RBFOX1: variants seen among roughly 807,000 people sequenced by gnomAD.
RBFOX1 encodes RNA binding fox-1 homolog 1, also known as RNA binding protein fox-1 homolog 1.
Under a neutral mutation model 57.7 loss-of-function variants are expected in RBFOX1, and 8 were observed. That is an observed-to-expected ratio of 0.14 (90% CI 0.08 to 0.25). The LOEUF (loss-of-function observed/expected upper bound fraction) is 0.25, where lower values mean the gene tolerates loss of function less well. RBFOX1 is among the 10% of genes least tolerant of loss of function. RBFOX1 has a pLI of 1.00. For missense variants in RBFOX1, 611 were observed against 548.5 expected, an observed-to-expected ratio of 1.11 and a Z score of -1.14; for synonymous variants, 326 against 222.4, an observed-to-expected ratio of 1.47 and a Z score of -4.15.
At chr16:7,281,601 A>G (rs894519750) in intron 4 of RBFOX1, among the ~76,000 whole-genome samples, 1 of 152,126 alleles carries the variant, frequency 6.6e-6, no homozygotes, top group Non-Finnish European at 1.5e-5. Context: ...TGGAAGTCAG[A>G]GAAAATACAC....
chr16:5,239,928 C>G (rs2062121360), exon 1 of RBFOX1: 1 of 1,522,146 alleles, frequency 6.6e-7, no homozygotes, highest in South Asian at 1.2e-5. Context: ...CTGGCAAGCC[C>G]CGAGGCAGGG....
At chr16:7,291,673 G>A (rs12446497) in intron 4 of RBFOX1, among the ~76,000 whole-genome samples, 39,023 of 151,600 alleles carry the variant, frequency 0.26, 5,187 homozygotes, top group Middle Eastern at 0.35. Context: ...CAGCAAGGAT[G>A]GGACCTTGGC....
At chr16:7,705,071 G>C (rs542957704) in intron 14 of RBFOX1, among the ~76,000 whole-genome samples, 6 of 148,884 alleles carry the variant, frequency 4.0e-5, no homozygotes, top group African/African-American at 1.5e-4. Context: ...AAAAGGCAGA[G>C]AGCCAGAGAA....
At chr16:6,160,720 C>T (rs564776092) in intron 1 of RBFOX1, among the ~76,000 whole-genome samples, 5 of 152,180 alleles carry the variant, frequency 3.3e-5, no homozygotes, top group African/African-American at 1.2e-4. Flanking sequence ...TGGCACCACT[C>T]CCATCTTGCC....
At chr16:6,512,832 C>T (rs534377852) in intron 2 of RBFOX1, among the ~76,000 whole-genome samples, 1 of 152,154 alleles carries the variant, frequency 6.6e-6, no homozygotes, top group Non-Finnish European at 1.5e-5. Flanking sequence ...TGCTCTAGGT[C>T]AAATGATCCA....
intron 9 of RBFOX1, among the ~76,000 whole-genome samples, chr16:7,601,032 C>G (rs2094987646): frequency 6.6e-6 from 1 of 152,164 alleles, no homozygotes; most frequent in Non-Finnish European, 1.5e-5. Flanking sequence ...AATGTTGGAT[C>G]TGCAATACAA....
chr16:5,419,598 A>G (rs912337230), intron 1 of RBFOX1, among the ~76,000 whole-genome samples: 55 of 151,950 alleles, frequency 3.6e-4, no homozygotes, highest in African/African-American at 1.3e-3. Flanking sequence ...GTTGATGCTC[A>G]GTATTAACCG....
intron 3 of RBFOX1, among the ~76,000 whole-genome samples, chr16:6,688,000 A>G (rs867055228): frequency 1.3e-5 from 2 of 152,344 alleles, no homozygotes; most frequent in African/African-American, 2.4e-5. Context: ...AACATCTTCT[A>G]TGCCAAGCAC....
At chr16:7,637,266 C>T (rs897197830) in intron 11 of RBFOX1, among the ~76,000 whole-genome samples, 1 of 119,650 alleles carries the variant, frequency 8.4e-6, no homozygotes, top group African/African-American at 3.5e-5. Flanking sequence ...ATACCCTTCC[C>T]TCCTCAAAAA....
chr16:7,060,276 G>T (rs1012171168), intron 4 of RBFOX1, among the ~76,000 whole-genome samples: 2 of 152,270 alleles, frequency 1.3e-5, no homozygotes, highest in Admixed American at 6.5e-5. Flanking sequence ...TACAAGAACA[G>T]GCAGTGGGCC....
At chr16:7,228,450 A>C (rs1372723329) in intron 4 of RBFOX1, among the ~76,000 whole-genome samples, 1 of 152,208 alleles carries the variant, frequency 6.6e-6, no homozygotes, top group African/African-American at 2.4e-5. Flanking sequence ...AGTACCTACT[A>C]TGTGGCTATT....
At chr16:5,812,153 G>A (rs911549102) in intron 3 of RBFOX1, among the ~76,000 whole-genome samples, 11 of 152,180 alleles carry the variant, frequency 7.2e-5, no homozygotes, top group African/African-American at 2.7e-4. Context: ...ATGTTCCACT[G>A]TATGGATAGT....
intron 4 of RBFOX1, among the ~76,000 whole-genome samples, chr16:5,959,053 C>G (rs1266887213): frequency 6.6e-6 from 1 of 152,194 alleles, no homozygotes; most frequent in African/African-American, 2.4e-5. Context: ...GCTGACCACA[C>G]CAGGTAAAAC....
intron 3 of RBFOX1, among the ~76,000 whole-genome samples, chr16:5,619,860 A>C (rs1199934479): frequency 6.6e-6 from 1 of 152,046 alleles, no homozygotes; most frequent in African/African-American, 2.4e-5. Context: ...ATGGGGGCTC[A>C]CTTCCTTCTC....
intron 3 of RBFOX1, among the ~76,000 whole-genome samples, chr16:6,883,664 T>C (rs1406201396): frequency 1.3e-5 from 2 of 152,242 alleles, no homozygotes; most frequent in Admixed American, 6.5e-5. Flanking sequence ...TAGTAAGTAT[T>C]GAAACCTTGC....
intron 3 of RBFOX1, among the ~76,000 whole-genome samples, chr16:5,856,198 T>TATATATAC: frequency 1.5e-5 from 1 of 65,326 alleles, no homozygotes; most frequent in African/African-American, 4.8e-5. Context: ...TATATATATA[T>TATATATAC]ATATATATAC....
chr16:7,103,126 G>C (rs1356011182), intron 4 of RBFOX1, among the ~76,000 whole-genome samples: 1 of 151,498 alleles, frequency 6.6e-6, no homozygotes, highest in Non-Finnish European at 1.5e-5. Flanking sequence ...TTTCCAAGCT[G>C]TCGGACCAAA....
intron 2 of RBFOX1, among the ~76,000 whole-genome samples, chr16:5,596,023 G>C (rs965893667): frequency 2.0e-5 from 3 of 152,176 alleles, no homozygotes; most frequent in Non-Finnish European, 2.9e-5. Flanking sequence ...AAATGACACG[G>C]AAGTGCGGCA....
chr16:6,249,183 A>G (rs2097587021), intron 1 of RBFOX1, among the ~76,000 whole-genome samples: 1 of 152,198 alleles, frequency 6.6e-6, no homozygotes, highest in Admixed American at 6.6e-5. Context: ...GATCAAATGC[A>G]TGACCAGCTA....
Sources: allele counts gnomAD v4.1 joint callset (sites outside exome capture counted in the v4.1 genomes callset), GRCh38; gene constraint gnomAD v4.1.1; transcripts MANE v1.5; gene names NCBI Gene and HGNC (gene_info 2026-07-23, HGNC 2026-07-21).